The following SOX5 variants were observed in gnomAD, a reference collection of about 807,000 sequenced individuals.
SOX5 encodes transcription factor SOX-5.
SOX5 carries 9 observed loss-of-function variants against 92.0 expected under a neutral mutation model. That is an observed-to-expected ratio of 0.10 (90% CI 0.06 to 0.17). The LOEUF (loss-of-function observed/expected upper bound fraction) is 0.17. Among genes scored for constraint, SOX5 ranks in the 10% least tolerant of loss-of-function variants. The pLI is 1.00. For synonymous variants in SOX5, 344 were observed against 336.3 expected (o/e 1.02, Z -0.25); for missense variants, 642 against 944.5 (o/e 0.68, Z 4.20).
intron 1 of SOX5, among the ~76,000 whole-genome samples, chr12:24,462,658 C>T (rs1215549327): frequency 9.9e-5 from 15 of 152,210 alleles, no homozygotes; most frequent in East Asian, 1.9e-4. Flanking sequence ...AATATAATGA[C>T]GTAAATGAAC....
rs1939152933 is a variant in SOX5, at chr12:23,531,843, A to G, written c.*2376T>C. On this transcript the variant is annotated 3_prime_UTR_variant, in exon 15 of 15. Transcript: ENST00000451604. The stretch of plus-strand genomic sequence containing the variant: ...ATCAGAACTGATATTGTTGGGGCCA[A>G]AATTCTTAAAAAAGAGAAAACTTAC... The G allele has an allele frequency of 6.6e-6, 1 of 151,804 alleles. No homozygotes were observed. The highest frequency in any genetic ancestry group is 2.4e-5 in the African/African-American group (1 of 41,356). 9.4% of individuals were successfully genotyped at this position (151,804 alleles called of 1,614,324 possible).
chr12:24,447,643 A>G (rs1941683954), intron 1 of SOX5, among the ~76,000 whole-genome samples: 1 of 150,520 alleles, frequency 6.6e-6, no homozygotes, highest in African/African-American at 2.5e-5. Flanking sequence ...GTTAACAACA[A>G]TGATAGCTGG....
At chr12:23,664,078 C>T (rs973159954) in intron 7 of SOX5, among the ~76,000 whole-genome samples, 3 of 152,104 alleles carry the variant, frequency 2.0e-5, no homozygotes, top group Non-Finnish European at 2.9e-5. Flanking sequence ...ATCTTAACTC[C>T]AGAGTTGCAA....
chr12:23,660,734 A>G (rs1188257885), intron 7 of SOX5, among the ~76,000 whole-genome samples: 1 of 152,206 alleles, frequency 6.6e-6, no homozygotes, highest in Middle Eastern at 3.2e-3. Context: ...AATTTTTAAA[A>G]CAACTCTAGG....
chr12:23,903,790 T>A (rs2097262415), intron 1 of SOX5, among the ~76,000 whole-genome samples: 1 of 152,324 alleles, frequency 6.6e-6, no homozygotes, highest in South Asian at 2.1e-4. Context: ...TAATTAAGGT[T>A]GTTGTGAAAA....
At chr12:24,056,347 A>G (rs973714504) in intron 4 of SOX5, among the ~76,000 whole-genome samples, 1 of 152,212 alleles carries the variant, frequency 6.6e-6, no homozygotes, top group African/African-American at 2.4e-5. Context: ...ATATAAACCC[A>G]TCACAAAATA....
chr12:24,272,667 A>G (rs921256752), intron 3 of SOX5, among the ~76,000 whole-genome samples: 6 of 152,152 alleles, frequency 3.9e-5, no homozygotes, highest in Non-Finnish European at 8.8e-5. Flanking sequence ...ATTTTTTTAC[A>G]TATTATCAAA....
At chr12:24,107,433 G>A (rs758734217) in intron 4 of SOX5, among the ~76,000 whole-genome samples, 1 of 152,130 alleles carries the variant, frequency 6.6e-6, no homozygotes, top group Non-Finnish European at 1.5e-5. Flanking sequence ...ATTCAAAAAA[G>A]TGGAAGTAGA....
At chr12:24,068,918 T>A (rs1941336492) in intron 4 of SOX5, among the ~76,000 whole-genome samples, 1 of 150,532 alleles carries the variant, frequency 6.6e-6, no homozygotes, top group Non-Finnish European at 1.5e-5. Flanking sequence ...AGTTGGAGCC[T>A]CAAATACAGG....
chr12:23,815,616 A>C (rs2095975386), intron 3 of SOX5, among the ~76,000 whole-genome samples: 1 of 152,258 alleles, frequency 6.6e-6, no homozygotes, highest in African/African-American at 2.4e-5. Flanking sequence ...GAAATGAAGT[A>C]CTTGTCCAAG....
intron 4 of SOX5, among the ~76,000 whole-genome samples, chr12:24,093,182 G>T (rs61910055): frequency 1.3e-5 from 2 of 152,042 alleles, no homozygotes; most frequent in African/African-American, 4.8e-5. Context: ...TGTCACTACG[G>T]GTGCCCTATC....
chr12:23,831,266 T>A (rs1238798780), intron 3 of SOX5, among the ~76,000 whole-genome samples: 1 of 152,142 alleles, frequency 6.6e-6, no homozygotes, highest in Non-Finnish European at 1.5e-5. Context: ...AACAATAATG[T>A]TGATTTTTTT....
intron 4 of SOX5, among the ~76,000 whole-genome samples, chr12:23,961,730 A>G (rs566656428): frequency 5.3e-5 from 8 of 152,276 alleles, no homozygotes; most frequent in African/African-American, 1.9e-4. Flanking sequence ...CCTCAAGACT[A>G]TTTCACAGCA....
chr12:24,289,444 C>CATTTGTA (rs1946338272), intron 2 of SOX5, among the ~76,000 whole-genome samples: 1 of 130,610 alleles, frequency 7.7e-6, no homozygotes, highest in Non-Finnish European at 1.5e-5. Context: ...GTCTTAAGGA[C>CATTTGTA]ATTTGTATCT....
intron 7 of SOX5, among the ~76,000 whole-genome samples, chr12:23,657,633 G>A (rs2082479159): frequency 6.6e-6 from 1 of 152,062 alleles, no homozygotes; most frequent in Non-Finnish European, 1.5e-5. Context: ...TTACACTTCA[G>A]GTTGATGAAC....
At chr12:24,269,771 C>T (rs1235870835) in intron 3 of SOX5, among the ~76,000 whole-genome samples, 14 of 148,378 alleles carry the variant, frequency 9.4e-5, no homozygotes, top group African/African-American at 1.7e-4. Context: ...CTTGAACTCC[C>T]GGGCTTAAGG....
intron 9 of SOX5, among the ~76,000 whole-genome samples, chr12:23,576,214 A>G (rs1014303291): frequency 2.6e-5 from 4 of 152,096 alleles, no homozygotes; most frequent in African/African-American, 9.7e-5. Flanking sequence ...TCCAAAGAAA[A>G]GGGGTTGGAT....
intron 7 of SOX5, among the ~76,000 whole-genome samples, chr12:23,641,778 T>G (rs1433834556): frequency 6.6e-6 from 1 of 152,210 alleles, no homozygotes; most frequent in Non-Finnish European, 1.5e-5. Context: ...CACATGACCA[T>G]AGCAAATAAC....
intron 2 of SOX5, chr12:24,277,393 T>A (rs1944554805): frequency 6.7e-6 from 1 of 150,092 alleles, no homozygotes; most frequent in African/African-American, 2.4e-5. Context: ...AAATAGAAAA[T>A]GTGTAAGGTT....
Sources: gnomAD v4.1 joint callset for allele counts (sites outside exome capture counted in the v4.1 genomes callset) on GRCh38, gnomAD v4.1.1 for gene constraint, MANE v1.5 for transcripts, NCBI Gene and HGNC (gene_info 2026-07-23, HGNC 2026-07-21) for gene names.